Variants in HERC4 observed in about 807,000 individuals in gnomAD.
HERC4 encodes the protein HECT and RLD domain containing E3 ubiquitin protein ligase 4.
In HERC4, 28 loss-of-function variants were observed where a neutral mutation model predicts 124.3. The observed-to-expected ratio is 0.23, with a 90% CI of 0.17 to 0.31. The LOEUF (loss-of-function observed/expected upper bound fraction) is 0.31, where lower values mean the gene tolerates loss of function less well. Ranked by LOEUF, HERC4 falls within the 10% of genes least tolerant of loss-of-function variation. HERC4 has a pLI of 1.00. For missense variants in HERC4, 713 were observed against 1,229.3 expected, an observed-to-expected ratio of 0.58 and a Z score of 6.28; for synonymous variants, 407 against 421.5, an observed-to-expected ratio of 0.97 and a Z score of 0.42.
rs531608670 is a variant in HERC4 at position 67,935,646 on chromosome 10, C to T, written c.2654+507G>A. On this transcript the variant is annotated intron_variant, in intron 22 of 24. Transcript: ENST00000373700. The stretch of plus-strand genomic sequence containing the variant: ...TCTCCAGAAGGTAAATTTCCAATCT[C>T]CTGCCCAGGCCAGAGAGGGGCAGTT... Among the ~76,000 whole-genome samples the T allele has an allele frequency of 2.6e-5, 4 of 152,318 alleles. No individual in the cohort carries two copies. In the South Asian group the frequency reaches 8.3e-4, roughly 32 times the overall value.
chr10:68,036,408 A>C (rs1422076021), intron 5 of HERC4, among the ~76,000 whole-genome samples: 3 of 152,300 alleles, frequency 2.0e-5, no homozygotes, highest in South Asian at 4.1e-4. Flanking sequence ...TCAATATGAA[A>C]AACTGTCCTC....
chr10:67,988,926 G>A (rs2036410177), intron 14 of HERC4, 91 bp from the exon 15 acceptor site: 2 of 1,003,274 alleles, frequency 2.0e-6, no homozygotes, highest in Admixed American at 4.6e-5. Flanking sequence ...TGAAACAGTA[G>A]TTGTTAAACC....
At chr10:67,957,798 T>C (rs1417390249) in intron 16 of HERC4, among the ~76,000 whole-genome samples, 2 of 152,162 alleles carry the variant, frequency 1.3e-5, no homozygotes, top group Non-Finnish European at 2.9e-5. Flanking sequence ...CAGTTCTTTA[T>C]AGTCTGAATC....
chr10:68,021,867 T>C (rs140497661), intron 8 of HERC4, among the ~76,000 whole-genome samples: 43 of 152,154 alleles, frequency 2.8e-4, no homozygotes, highest in African/African-American at 1.0e-3. Context: ...AAAATCTCTG[T>C]ATGCAGATGA....
chr10:68,065,249 T>A (rs2041243425), intron 3 of HERC4, among the ~76,000 whole-genome samples: 3 of 152,170 alleles, frequency 2.0e-5, no homozygotes, highest in Non-Finnish European at 4.4e-5. Context: ...GTATTAGTAA[T>A]TCTCTACCAA....
intron 15 of HERC4, among the ~76,000 whole-genome samples, chr10:67,969,993 G>A (rs1450553428): frequency 6.6e-6 from 1 of 152,164 alleles, no homozygotes; most frequent in African/African-American, 2.4e-5. Context: ...GAGTAGGCAT[G>A]CAAAGTGGGG....
intron 15 of HERC4, among the ~76,000 whole-genome samples, chr10:67,968,862 C>T (rs12769628): frequency 0.1 from 15,735 of 152,178 alleles, 904 homozygotes; most frequent in South Asian, 0.15. Flanking sequence ...ACACTGCTCT[C>T]ATTAACTGAT....
chr10:67,995,219 AAC>A, intron 9 of HERC4: 1 of 452,110 alleles, frequency 2.2e-6, no homozygotes, highest in Non-Finnish European at 4.4e-6. Context: ...TCCATCAGGA[AAC>A]ACATAATTCC....
chr10:68,030,460 A>G (rs566412672), intron 7 of HERC4, among the ~76,000 whole-genome samples: 88 of 152,190 alleles, frequency 5.8e-4, no homozygotes, highest in Non-Finnish European at 9.6e-4. Flanking sequence ...ACAAAAACAA[A>G]CAAATATACA....
intron 5 of HERC4, among the ~76,000 whole-genome samples, chr10:68,036,138 C>A (rs2039451843): frequency 6.6e-6 from 1 of 151,774 alleles, no homozygotes; most frequent in Non-Finnish European, 1.5e-5. Context: ...CACAGTGAAA[C>A]TCCACCTCTA....
intron 16 of HERC4, among the ~76,000 whole-genome samples, chr10:67,963,176 C>A (rs910096106): frequency 6.6e-6 from 1 of 152,134 alleles, no homozygotes; most frequent in African/African-American, 2.4e-5. Flanking sequence ...CAACATTCTC[C>A]ATAATAAATT....
At chr10:68,013,034 G>A (rs2038059908) in intron 9 of HERC4, among the ~76,000 whole-genome samples, 2 of 152,082 alleles carry the variant, frequency 1.3e-5, no homozygotes, top group African/African-American at 4.8e-5. Flanking sequence ...ATTGTGCTTT[G>A]CTTTACTGTG....
intron 3 of HERC4, among the ~76,000 whole-genome samples, chr10:68,065,960 T>C (rs1173951612): frequency 6.6e-6 from 1 of 152,126 alleles, no homozygotes; most frequent in African/African-American, 2.4e-5. Flanking sequence ...AAATTAATTA[T>C]TGCCTTTTAA....
At position 68,015,014 on chromosome 10, in the gene HERC4, C is replaced by A. The variant is rs192061463; in HGVS notation, c.909-828G>T. On this transcript the variant is annotated intron_variant, in intron 8 of 24. Transcript: ENST00000373700. ...GCTGAAATTATCCCTCTAACCATAC[C>A]CATATCTTATGCAATATGACTATTA... Among the ~76,000 whole-genome samples the A allele has an allele frequency of 6.3e-3, 962 of 152,200 alleles. 5 individuals are homozygous for A. The highest frequency in any genetic ancestry group is 9.6e-3 in the Admixed American group (146 of 15,282).
chr10:68,004,270 A>G (rs552142771), intron 9 of HERC4, among the ~76,000 whole-genome samples: 19 of 152,334 alleles, frequency 1.2e-4, no homozygotes, highest in African/African-American at 3.6e-4. Flanking sequence ...TTGAAACAAC[A>G]GAGTTGTCTT....
chr10:67,969,681 A>C (rs951589227), intron 15 of HERC4, among the ~76,000 whole-genome samples: 1 of 152,190 alleles, frequency 6.6e-6, no homozygotes, highest in Non-Finnish European at 1.5e-5. Flanking sequence ...AGGAAAGGTG[A>C]CAAGAACAGT....
chr10:68,001,724 C>A (rs1462151222), intron 9 of HERC4, among the ~76,000 whole-genome samples: 1 of 152,018 alleles, frequency 6.6e-6, no homozygotes, highest in East Asian at 1.9e-4. Flanking sequence ...CTCTCCGTAC[C>A]CTCCTCCCTC....
rs539225150 is a variant in HERC4 at position 68,004,592 on chromosome 10, G to A, written c.1069+9434C>T. On this transcript the variant is annotated intron_variant, in intron 9 of 24. Coordinates refer to ENST00000373700, the MANE Select transcript of HERC4 (RefSeq NM_015601.4). ...GTGAGAGATAGGGGTGTATTCGTCT[G>A]TTTTCATGCTGCTATAAAAAATTGC... Among the ~76,000 whole-genome samples, 11 of 152,230 alleles carry A rather than the reference G, an allele frequency of 7.2e-5. No homozygotes were observed. The South Asian group carries it at 2.1e-3, about 29-fold the overall frequency.
At chr10:67,956,812 A>G (rs2034170068) in intron 17 of HERC4, 66 bp downstream of exon 17, 4 of 1,084,952 alleles carry the variant, frequency 3.7e-6, no homozygotes, top group African/African-American at 3.2e-5. Flanking sequence ...AAAATTTCAA[A>G]TATTTACTGT....
Sources: gnomAD v4.1 joint callset for allele counts (sites outside exome capture counted in the v4.1 genomes callset) on GRCh38, gnomAD v4.1.1 for gene constraint, MANE v1.5 for transcripts, NCBI Gene and HGNC (gene_info 2026-07-23, HGNC 2026-07-21) for gene names.